The following VOPP1 variants were observed in gnomAD, a reference collection of about 807,000 sequenced individuals.
VOPP1 encodes the protein VOPP1 WW domain binding protein.
A neutral mutation model predicts 23.5 loss-of-function variants in VOPP1; 8 were observed. That is an observed-to-expected ratio of 0.34 (90% CI 0.20 to 0.61). VOPP1 has a LOEUF of 0.61. VOPP1 is among the 20% of genes least tolerant of loss of function. The pLI is 0.78. For missense variants in VOPP1, 174 were observed against 238.1 expected (o/e 0.73, Z 1.77); for synonymous variants, 83 against 97.3 (o/e 0.85, Z 0.86).
intron 4 of VOPP1, 88 bp from the exon 5 acceptor site, chr7:55,473,133 GC>G (rs1292458689): frequency 4.2e-5 from 63 of 1,515,014 alleles, no homozygotes; most frequent in Non-Finnish European, 5.5e-5. Flanking sequence ...AGCAGACCAC[GC>G]CCCGTCATTC....
chr7:55,435,221 T>A (rs564716993), downstream of VOPP1, among the ~76,000 whole-genome samples: 5 of 152,278 alleles, frequency 3.3e-5, no homozygotes, highest in East Asian at 7.7e-4. Flanking sequence ...TGCATATGAT[T>A]ACTGACATGG....
chr7:55,552,495 T>A (rs1412507690), intron 1 of VOPP1, among the ~76,000 whole-genome samples: 1 of 152,168 alleles, frequency 6.6e-6, no homozygotes, highest in African/African-American at 2.4e-5. Context: ...ACCTACACAC[T>A]CACACAGGAT....
chr7:55,479,013 CA>C (rs757758356), intron 4 of VOPP1, among the ~76,000 whole-genome samples: 6 of 152,176 alleles, frequency 3.9e-5, no homozygotes, highest in Non-Finnish European at 7.3e-5. Flanking sequence ...CTGAGCCATG[CA>C]GTTAAACCAT....
At chr7:55,452,497 G>C (rs1482142159) in intron 4 of VOPP1, among the ~76,000 whole-genome samples, 1 of 152,120 alleles carries the variant, frequency 6.6e-6, no homozygotes, top group Non-Finnish European at 1.5e-5. Flanking sequence ...TTTCCAGAAG[G>C]TTTTCAATTT....
At chr7:55,564,266 TCGC>T (rs1562634205) in intron 1 of VOPP1, among the ~76,000 whole-genome samples, 6 of 150,430 alleles carry the variant, frequency 4.0e-5, no homozygotes, top group Admixed American at 1.3e-4. Context: ...TCTCTCTCTC[TCGC>T]TCGCTTGCTC....
At chr7:55,443,342 C>T (rs1791014056) in intron 4 of VOPP1, among the ~76,000 whole-genome samples, 2 of 151,914 alleles carry the variant, frequency 1.3e-5, no homozygotes, top group South Asian at 4.2e-4. Flanking sequence ...ATCACAAGAT[C>T]AGAAGATTGA....
intron 4 of VOPP1, among the ~76,000 whole-genome samples, chr7:55,479,514 T>C (rs1480905273): frequency 6.6e-6 from 1 of 152,186 alleles, no homozygotes. Flanking sequence ...TCTGAGCTCA[T>C]TCTCCAGGAT....
chr7:55,496,666 C>CA (rs1353413180), intron 3 of VOPP1, among the ~76,000 whole-genome samples: 1 of 152,192 alleles, frequency 6.6e-6, no homozygotes, highest in Non-Finnish European at 1.5e-5. Flanking sequence ...GTGGAGTCCC[C>CA]ACTCCCTATA....
intron 1 of VOPP1, among the ~76,000 whole-genome samples, chr7:55,531,101 G>A (rs1796472554): frequency 1.3e-5 from 2 of 152,148 alleles, no homozygotes; most frequent in Admixed American, 6.5e-5. Context: ...TGAATATAAG[G>A]CCTGCAGCCA....
At chr7:55,521,043 T>C (rs1362100005) in intron 2 of VOPP1, 29 bp downstream of exon 2, 11 of 1,556,744 alleles carry the variant, frequency 7.1e-6, no homozygotes, top group Non-Finnish European at 8.7e-7. Context: ...GGCCACAGAA[T>C]GAAACCACAG....
chr7:55,547,363 T>C (rs1353886077), intron 1 of VOPP1, among the ~76,000 whole-genome samples: 2 of 152,212 alleles, frequency 1.3e-5, no homozygotes, highest in Non-Finnish European at 1.5e-5. Flanking sequence ...CTCCAAGGCT[T>C]TCTAAGGTTG....
intron 1 of VOPP1, among the ~76,000 whole-genome samples, chr7:55,551,062 G>A (rs1231335890): frequency 2.0e-5 from 3 of 152,112 alleles, no homozygotes; most frequent in Non-Finnish European, 4.4e-5. Flanking sequence ...GACACTGAGT[G>A]CTCTGGTTGG....
At chr7:55,480,179 A>G (rs1043294300) in intron 4 of VOPP1, among the ~76,000 whole-genome samples, 6 of 152,252 alleles carry the variant, frequency 3.9e-5, no homozygotes, top group Admixed American at 6.5e-5. Flanking sequence ...TACATTCATT[A>G]AAATGAATTG....
intron 1 of VOPP1, among the ~76,000 whole-genome samples, chr7:55,570,030 A>C (rs990362381): frequency 6.6e-6 from 1 of 152,238 alleles, no homozygotes; most frequent in Non-Finnish European, 1.5e-5. Context: ...TGCAGCCGGC[A>C]GTCAGAAGCC....
intron 4 of VOPP1, among the ~76,000 whole-genome samples, chr7:55,451,930 T>G (rs1028525258): frequency 6.6e-6 from 1 of 152,206 alleles, no homozygotes; most frequent in Non-Finnish European, 1.5e-5. Context: ...TGCTAAAGGT[T>G]GGACTGGCTG....
intron 4 of VOPP1, among the ~76,000 whole-genome samples, chr7:55,484,713 C>T (rs1202597994): frequency 1.3e-5 from 2 of 152,158 alleles, no homozygotes; most frequent in Non-Finnish European, 2.9e-5. Context: ...AGAGAAATAA[C>T]TACAAAGACA....
At chr7:55,544,179 C>A (rs1797262018) in intron 1 of VOPP1, among the ~76,000 whole-genome samples, 3 of 152,176 alleles carry the variant, frequency 2.0e-5, no homozygotes, top group African/African-American at 7.2e-5. Flanking sequence ...ATGTCCTTTG[C>A]CCAATGGATG....
intron 4 of VOPP1, among the ~76,000 whole-genome samples, chr7:55,462,118 T>G (rs1401887265): frequency 6.6e-6 from 1 of 152,250 alleles, no homozygotes; most frequent in Non-Finnish European, 1.5e-5. Flanking sequence ...ATAGTGTTCT[T>G]GCGTGACAGT....
At chr7:55,497,790 A>G (rs777503574) in intron 2 of VOPP1, 100 bp from the exon 3 acceptor site, 4 of 1,013,936 alleles carry the variant, frequency 3.9e-6, no homozygotes, top group Non-Finnish European at 4.6e-6. Context: ...TTCTTGAAGG[A>G]AGAAATCAGT....
Sources: gnomAD v4.1 joint callset for allele counts (sites outside exome capture counted in the v4.1 genomes callset) on GRCh38, gnomAD v4.1.1 for gene constraint, MANE v1.5 for transcripts, NCBI Gene and HGNC (gene_info 2026-07-23, HGNC 2026-07-21) for gene names.